NCOA7: variants seen among roughly 807,000 people sequenced by gnomAD.
The protein encoded by NCOA7 is nuclear receptor coactivator 7.
A neutral mutation model predicts 104.3 loss-of-function variants in NCOA7; 45 were observed. The ratio of observed to expected loss-of-function variants is 0.43; its 90% CI spans 0.34 to 0.55. The LOEUF is 0.55. Ranked by LOEUF, NCOA7 falls within the 20% of genes least tolerant of loss-of-function variation. NCOA7 has a pLI of 0.02. For missense variants in NCOA7, 1,041 were observed against 1,119.7 expected (o/e 0.93, Z 1.00); for synonymous variants, 398 against 402.3 (o/e 0.99, Z 0.13).
intron 11 of NCOA7, among the ~76,000 whole-genome samples, chr6:125,919,864 A>C (rs888623533): frequency 6.6e-6 from 1 of 152,252 alleles, no homozygotes; most frequent in Non-Finnish European, 1.5e-5. Context: ...GAAATTGAGT[A>C]GTGCACTACT....
At position 125,841,176 on chromosome 6, in the gene NCOA7, C is replaced by T. The variant is rs1186301202; in HGVS notation, c.51-13844C>T. Among the ~76,000 whole-genome samples, 3 of 150,620 alleles carry T rather than the reference C, an allele frequency of 2.0e-5. 1 individual carries two copies. The highest frequency in any genetic ancestry group is 7.5e-5 in the African/African-American group (3 of 40,130). ...AAGTGCTGGGATTACAGGTGTGAGC[C>T]ACCGCGCCTGGCCTACCTTTTATGT... On this transcript the variant is annotated intron_variant, in intron 2 of 15. Coordinates refer to ENST00000392477, the MANE Select transcript of NCOA7 (RefSeq NM_181782.5).
Position 125,927,678 on chromosome 6 carries a change from G to A in NCOA7, c.2539G>A (p.Ala847Thr). 3 of 1,613,986 alleles carry A rather than the reference G, an allele frequency of 1.9e-6. No individual in the cohort carries two copies. Among genetic ancestry groups the A allele is most frequent in the Non-Finnish European group, 2.5e-6 (3 of 1,179,842 alleles). ...CTTTTGACAGATTTTTGGAGCATAT[G>A]CAACTCATCCTTTCAAGTTCAGTGA... is the stretch of plus-strand genomic sequence containing the variant. ...DMDNQIFGAYATHPFKFSDHY... is the reference protein window; with the variant it reads ...DMDNQIFGAYTTHPFKFSDHY... The change falls in exon 14 of 16, where the codon GCA becomes ACA. Residue 847 changes from alanine (A) to threonine (T), a missense_variant. Transcript: ENST00000392477.
chr6:125,793,824 A>G (rs1469317387), intron 1 of NCOA7, among the ~76,000 whole-genome samples: 1 of 152,246 alleles, frequency 6.6e-6, no homozygotes, highest in East Asian at 1.9e-4. Flanking sequence ...AATTTCAGAT[A>G]TAGTGAATAC....
intron 2 of NCOA7, among the ~76,000 whole-genome samples, chr6:125,825,045 T>G (rs1482668045): frequency 1.3e-5 from 2 of 151,944 alleles, no homozygotes; most frequent in Non-Finnish European, 2.9e-5. Flanking sequence ...CAAAAAGAAT[T>G]ATAATTGATC....
chr6:125,809,197 G>T (rs1027786704), intron 1 of NCOA7, among the ~76,000 whole-genome samples: 73 of 150,232 alleles, frequency 4.9e-4, no homozygotes, highest in Non-Finnish European at 9.1e-4. Flanking sequence ...GTTGTTTTTT[G>T]TTTTTTTTTG....
chr6:125,896,628 CA>C (rs974040125), intron 10 of NCOA7, among the ~76,000 whole-genome samples: 1 of 151,784 alleles, frequency 6.6e-6, no homozygotes, highest in African/African-American at 2.4e-5. Flanking sequence ...CACATCTCTA[CA>C]AAAAAATACA....
At chr6:125,810,581 A>T (rs1776901659) in intron 1 of NCOA7, among the ~76,000 whole-genome samples, 1 of 152,216 alleles carries the variant, frequency 6.6e-6, no homozygotes, top group African/African-American at 2.4e-5. Flanking sequence ...TAAATGAATG[A>T]AGGGCTTTTA....
At chr6:125,817,657 T>C (rs773301034) in intron 2 of NCOA7, among the ~76,000 whole-genome samples, 2 of 152,242 alleles carry the variant, frequency 1.3e-5, no homozygotes, top group Non-Finnish European at 2.9e-5. Context: ...TCTAGTCTTT[T>C]GTTGGATATG....
intron 1 of NCOA7, among the ~76,000 whole-genome samples, chr6:125,807,905 T>G (rs752989982): frequency 6.6e-6 from 1 of 152,266 alleles, no homozygotes; most frequent in Non-Finnish European, 1.5e-5. Flanking sequence ...TTTATTCATT[T>G]AATCATATAA....
intron 11 of NCOA7, among the ~76,000 whole-genome samples, chr6:125,918,947 C>T (rs544381024): frequency 8.2e-5 from 11 of 134,344 alleles, no homozygotes; most frequent in South Asian, 2.4e-4. Flanking sequence ...GTGCTGGGGG[C>T]GGGGGAGAAA....
Position 125,865,619 on chromosome 6 carries a change from G to T in NCOA7, c.272-9270G>T, listed in dbSNP as rs755864293. On this transcript the variant is annotated intron_variant, in intron 3 of 15. Coordinates refer to ENST00000392477, the MANE Select transcript of NCOA7 (RefSeq NM_181782.5). ...GTCAGGTCAATAATTTGAGATGTGTGCATCGCCAATAGAGAAGGTGTTATT... is the reference window on the plus strand; with the variant it reads ...GTCAGGTCAATAATTTGAGATGTGTTCATCGCCAATAGAGAAGGTGTTATT... Among the ~76,000 whole-genome samples, 41 of 136,498 alleles carry T rather than the reference G, an allele frequency of 3.0e-4. 5 individuals are homozygous for T. Among genetic ancestry groups the T allele is most frequent in the Non-Finnish European group, 7.8e-5 (5 of 64,506 alleles). The allele number at this position is 136,498 out of a possible 152,430, so 89.5% of individuals were successfully genotyped here. A position where few individuals can be genotyped will look rare whatever the true frequency, so the allele number is the denominator to read the frequency against.
At chr6:125,832,762 A>G (rs1206686144) in intron 2 of NCOA7, among the ~76,000 whole-genome samples, 1 of 152,244 alleles carries the variant, frequency 6.6e-6, no homozygotes, top group Non-Finnish European at 1.5e-5. Context: ...CACCAAGCTT[A>G]GCTCCTGGGG....
intron 11 of NCOA7, among the ~76,000 whole-genome samples, chr6:125,919,725 A>C (rs965701605): frequency 6.6e-6 from 1 of 152,156 alleles, no homozygotes; most frequent in African/African-American, 2.4e-5. Context: ...TTGGTTTGTG[A>C]TTCTTGATAG....
chr6:125,890,976 T>C (rs768335360), intron 10 of NCOA7, among the ~76,000 whole-genome samples, 166 bp downstream of exon 10: 7 of 152,222 alleles, frequency 4.6e-5, no homozygotes, highest in Non-Finnish European at 8.8e-5. Flanking sequence ...TTCTGCTAAA[T>C]GGTGGTTTTA....
At chr6:125,822,626 GA>G (rs1778290370) in intron 2 of NCOA7, among the ~76,000 whole-genome samples, 1 of 152,112 alleles carries the variant, frequency 6.6e-6, no homozygotes, top group Non-Finnish European at 1.5e-5. Flanking sequence ...TACTTTGTCT[GA>G]AAGGGGGATT....
chr6:125,862,846 A>G (rs2128628235), intron 3 of NCOA7, among the ~76,000 whole-genome samples: 1 of 137,818 alleles, frequency 7.3e-6, no homozygotes, highest in Non-Finnish European at 1.5e-5. Context: ...ATACAAAAAA[A>G]TTAGCTGGAC....
At chr6:125,924,768 C>A (rs1044887203) in intron 13 of NCOA7, among the ~76,000 whole-genome samples, 2 of 152,130 alleles carry the variant, frequency 1.3e-5, no homozygotes, top group Non-Finnish European at 2.9e-5. Context: ...TTCCCTAACC[C>A]CCCGCTGAGA....
chr6:125,902,496 A>T (rs9388460), intron 10 of NCOA7, among the ~76,000 whole-genome samples: 113,528 of 149,922 alleles, frequency 0.76, 43,572 homozygotes, highest in African/African-American at 0.92. Flanking sequence ...TTTTTTTTTT[A>T]AAGTGGGGAT....
In NCOA7 at chr6:125,922,804, C is replaced by T. The variant is rs1787699055; in HGVS notation, c.2493C>T (p.Val831=). ...AATCGGCATCACTAGACAGTCCTGT[C>T]CTATTGGTCATCAAAGATATGGATA... ...YRKSASLDSP[V]LLVIKDMDNQ... Residue 831 remains valine (V), a synonymous_variant, in exon 13 of 16, where the codon GTC becomes GTT. Coordinates refer to ENST00000392477, the MANE Select transcript of NCOA7 (RefSeq NM_181782.5). 2 of 1,613,988 alleles carry T rather than the reference C, an allele frequency of 1.2e-6. No homozygotes were observed. Among genetic ancestry groups the T allele is most frequent in the Non-Finnish European group, 8.5e-7 (1 of 1,180,018 alleles).
Sources: allele counts gnomAD v4.1 joint callset (sites outside exome capture counted in the v4.1 genomes callset), GRCh38; gene constraint gnomAD v4.1.1; transcripts MANE v1.5; gene names NCBI Gene and HGNC (gene_info 2026-07-23, HGNC 2026-07-21).